Variants in LTBP1 observed in about 807,000 individuals in gnomAD.
The protein encoded by LTBP1 is latent transforming growth factor beta binding protein 1.
LTBP1 carries 129 observed loss-of-function variants against 207.6 expected under a neutral mutation model. The ratio of observed to expected loss-of-function variants is 0.62; its 90% CI spans 0.54 to 0.72. The LOEUF (loss-of-function observed/expected upper bound fraction) is 0.72, where lower values mean the gene tolerates loss of function less well. LTBP1 is among the 30% of genes least tolerant of loss of function. The pLI is 0.00. For missense variants in LTBP1, 2,281 were observed against 2,217.2 expected (o/e 1.03, Z -0.58); for synonymous variants, 963 against 833.7 (o/e 1.16, Z -2.67).
At position 33,293,240 on chromosome 2, in the gene LTBP1, C is replaced by T. The variant is rs1209496257; in HGVS notation, c.3193C>T (p.His1065Tyr). The T allele has an allele frequency of 6.2e-7, 1 of 1,613,922 alleles. No homozygotes were observed. The highest frequency in any genetic ancestry group is 8.5e-7 in the Non-Finnish European group (1 of 1,179,980). Residue 1065 changes from histidine to tyrosine, a missense_variant, in exon 20 of 34, where the codon CAC becomes TAC. Physicochemically the swap from His to Tyr is moderately conservative, Grantham distance 83. Transcript: ENST00000404816. ...TGAAGGCTCCTACATGTGTTCATGC[C>T]ACAAAGGCTATACCCGGACTCCGGA... is the stretch of plus-strand genomic sequence containing the variant. ...NLEGSYMCSC[H>Y]KGYTRTPDHK...
intron 25 of LTBP1, 75 bp from the exon 26 acceptor site, chr2:33,347,292 C>T (rs2094717037): frequency 2.0e-5 from 32 of 1,569,166 alleles, no homozygotes; most frequent in Non-Finnish European, 2.8e-5. Flanking sequence ...ACTATTAGCC[C>T]TGGCACAGCT....
At chr2:33,053,940 G>T (rs1382517119) in intron 3 of LTBP1, among the ~76,000 whole-genome samples, 1 of 152,204 alleles carries the variant, frequency 6.6e-6, no homozygotes. Context: ...TTGGGCCAGT[G>T]CCTGACCAAA....
chr2:33,041,562 G>A lies in LTBP1; in HGVS notation c.863+20356G>A, dbSNP rs557007535. Among the ~76,000 whole-genome samples the A allele has an allele frequency of 3.0e-4, 45 of 152,286 alleles. 2 individuals carry two copies. The East Asian group carries it at 6.6e-3, about 22-fold the overall frequency. On this transcript the variant is annotated intron_variant, in intron 3 of 33. Coordinates refer to ENST00000404816, the MANE Select transcript of LTBP1 (RefSeq NM_206943.4). ...ATCCCAAAGTGCTGGGATTATAGGC[G>A]TGAGCCACCGTGCCTGGCCCAGACT...
At chr2:33,369,480 G>C (rs1166341167) in intron 31 of LTBP1, among the ~76,000 whole-genome samples, 1 of 152,194 alleles carries the variant, frequency 6.6e-6, no homozygotes, top group Non-Finnish European at 1.5e-5. Context: ...GGACCCCAGG[G>C]TTCCAGGAAA....
At chr2:33,048,477 T>C (rs563113085) in intron 3 of LTBP1, among the ~76,000 whole-genome samples, 1 of 152,360 alleles carries the variant, frequency 6.6e-6, no homozygotes, top group African/African-American at 2.4e-5. Context: ...ATAGCATTGC[T>C]TTCCACAGCA....
At chr2:32,974,389 G>A (rs550154237) in intron 2 of LTBP1, among the ~76,000 whole-genome samples, 2 of 152,226 alleles carry the variant, frequency 1.3e-5, no homozygotes, top group South Asian at 2.1e-4. Context: ...GTCTTCTTTT[G>A]AGAAATGTCT....
chr2:32,962,880 C>T (rs78255203), intron 2 of LTBP1, among the ~76,000 whole-genome samples: 9,930 of 152,288 alleles, frequency 0.065, 577 homozygotes, highest in East Asian at 0.24. Context: ...ATGGGGCCAG[C>T]CATCTGTGTT....
rs570795444 is a variant in LTBP1 at position 33,353,212 on chromosome 2, C to CA, written c.4000+5704dup. 3.4e-3 allele frequency among the ~76,000 whole-genome samples: 515 copies of CA among 152,240 alleles called. 2 individuals carry two copies. Among genetic ancestry groups the CA allele is most frequent in the African/African-American group, 0.012 (496 of 41,544 alleles). ...CAGCCTGGTCTTGAACTACTGACCTCAAGTGATCTGCCTGCCTTGTCCTTC... is the reference window on the plus strand; with the variant it reads ...CAGCCTGGTCTTGAACTACTGACCTCAAAGTGATCTGCCTGCCTTGTCCTTC... On this transcript the variant is annotated intron_variant, in intron 26 of 33. Transcript: ENST00000404816.
intron 5 of LTBP1, among the ~76,000 whole-genome samples, chr2:33,179,812 A>G (rs1241489140): frequency 1.3e-5 from 2 of 152,102 alleles, no homozygotes; most frequent in Admixed American, 6.5e-5. Context: ...TGTGATTCAG[A>G]TCTGCCTGGG....
intron 2 of LTBP1, among the ~76,000 whole-genome samples, chr2:32,996,479 T>G (rs556798841): frequency 6.6e-5 from 10 of 152,320 alleles, no homozygotes; most frequent in African/African-American, 1.9e-4. Flanking sequence ...CCCATGACAC[T>G]GTTCATTTAT....
chr2:33,166,251 T>C (rs1055462326), intron 5 of LTBP1, among the ~76,000 whole-genome samples: 1 of 152,152 alleles, frequency 6.6e-6, no homozygotes, highest in Admixed American at 6.5e-5. Flanking sequence ...TCATTCTGAA[T>C]TAAAACCTCA....
intron 7 of LTBP1, among the ~76,000 whole-genome samples, chr2:33,201,222 C>T (rs1460834855): frequency 3.3e-5 from 5 of 152,088 alleles, no homozygotes. Context: ...GACTTGGAAC[C>T]AACCCAAATG....
chr2:33,052,110 G>T (rs1173398024), intron 3 of LTBP1, among the ~76,000 whole-genome samples: 1 of 152,188 alleles, frequency 6.6e-6, no homozygotes, highest in Non-Finnish European at 1.5e-5. Context: ...GGACTTCGAT[G>T]TACTTTCCTG....
At chr2:33,062,959 C>G (rs2077338684) in intron 3 of LTBP1, 1 of 152,262 alleles carries the variant, frequency 6.6e-6, no homozygotes, top group South Asian at 2.1e-4. Context: ...TTGTTTAATT[C>G]TGGAATTTTA....
At chr2:33,135,021 T>C (rs1439247081) in intron 5 of LTBP1, 61 bp downstream of exon 5, 1 of 1,480,972 alleles carries the variant, frequency 6.8e-7, no homozygotes. Flanking sequence ...GATTGTAGCA[T>C]TTAGACACCC....
At position 33,274,949 on chromosome 2, in the gene LTBP1, G is replaced by A. The variant is rs1317073817; in HGVS notation, c.2744-16G>A. The A allele has an allele frequency of 1.2e-6, 2 of 1,612,388 alleles. No individual in the cohort carries two copies. Among genetic ancestry groups the A allele is most frequent in the Non-Finnish European group, 1.7e-6 (2 of 1,178,804 alleles). On this transcript the variant is annotated splice_polypyrimidine_tract_variant and intron_variant, in intron 16 of 33. Coordinates refer to ENST00000404816, the MANE Select transcript of LTBP1 (RefSeq NM_206943.4). ...CTACACAGAACTAATATTTTTATAT[G>A]TATTTTTGTTAACAGATATTGATGA...
At chr2:33,170,492 A>G (rs991653080) in intron 5 of LTBP1, among the ~76,000 whole-genome samples, 2 of 152,254 alleles carry the variant, frequency 1.3e-5, no homozygotes, top group African/African-American at 4.8e-5. Flanking sequence ...AGGTAAACAC[A>G]GCAGCCTGGA....
At chr2:33,323,557 A>C (rs1201269203) in intron 24 of LTBP1, among the ~76,000 whole-genome samples, 1 of 152,166 alleles carries the variant, frequency 6.6e-6, no homozygotes, top group Non-Finnish European at 1.5e-5. Context: ...GAATCGCATG[A>C]GCCTGGGAGG....
At chr2:33,392,891 T>A (rs906201671) in intron 32 of LTBP1, among the ~76,000 whole-genome samples, 126 of 151,550 alleles carry the variant, frequency 8.3e-4, no homozygotes, top group Non-Finnish European at 2.8e-4. Context: ...TTTTTTTTTT[T>A]AAATTGGGGT....
Sources: allele counts gnomAD v4.1 joint callset (sites outside exome capture counted in the v4.1 genomes callset), GRCh38; gene constraint gnomAD v4.1.1; transcripts MANE v1.5; gene names NCBI Gene and HGNC (gene_info 2026-07-23, HGNC 2026-07-21).